STX11: variants seen among roughly 807,000 people sequenced by gnomAD.
STX11 encodes the protein syntaxin-11.
In STX11, 21 loss-of-function variants were observed where a neutral mutation model predicts 19.9. The observed-to-expected ratio is 1.06, with a 90% CI of 0.75 to 1.52. STX11 has a LOEUF of 1.52. Among genes scored for constraint, STX11 ranks in the 40% most tolerant of loss-of-function variants. The pLI, the probability that STX11 is intolerant of heterozygous loss-of-function variation, is 0.00. For synonymous variants in STX11, 193 were observed against 174.4 expected, an observed-to-expected ratio of 1.11 and a Z score of -0.84; for missense variants, 438 against 405.9, an observed-to-expected ratio of 1.08 and a Z score of -0.68.
rs192851073 is a variant in STX11 at position 144,182,957 on chromosome 6, A to T, written c.-5-3666A>T. ...AGATGGGTACAGCTCAACTCTACGC[A>T]AACTAGCTAATGTGCTTTCCCCAGG... On this transcript the variant is annotated intron_variant, in intron 1 of 1. Coordinates refer to ENST00000367568, the MANE Select transcript of STX11 (RefSeq NM_003764.4). The surrounding 1 kb of genome is among the most constrained non-coding windows in gnomAD (Gnocchi z 4.8). Among the ~76,000 whole-genome samples, 354 of 152,358 alleles carry T rather than the reference A, an allele frequency of 2.3e-3. 1 individual carries two copies. Among genetic ancestry groups the T allele is most frequent in the African/African-American group, 8.1e-3 (335 of 41,584 alleles).
chr6:144,142,755 G>A, the STX11 span, among the ~76,000 whole-genome samples: 2 of 152,174 alleles, frequency 1.3e-5, no homozygotes, highest in Non-Finnish European at 2.9e-5. Context: ...AGTGGAAAGG[G>A]GGATGAAGAG....
At position 144,162,498 on chromosome 6, in the gene STX11, T is replaced by C. The variant is rs1801368934; in HGVS notation, c.-6+11795T>C. 6.6e-6 allele frequency among the ~76,000 whole-genome samples: 1 copy of C among 152,230 alleles called. No individual in the cohort carries two copies. Among genetic ancestry groups the C allele is most frequent in the Non-Finnish European group, 1.5e-5 (1 of 68,038 alleles). On this transcript the variant is annotated intron_variant, in intron 1 of 1. Coordinates refer to ENST00000367568, the MANE Select transcript of STX11 (RefSeq NM_003764.4). This position sits in a 1 kb window ranked among gnomAD's most constrained non-coding sequence, Gnocchi z 4.6. ...AAGTAATGTTCAATTTGCTATTTTA[T>C]CCAGAATGTGGAAGGCGTCTTCAAA...
rs1266148750 is a variant in STX11, at chr6:144,160,913, C to T, written c.-6+10210C>T. ...GTATTTTCATATCTTTCCTCACCCC[C>T]TTTGGCATATTCCTTGGTTTATCTC... On this transcript the variant is annotated intron_variant, in intron 1 of 1. Transcript: ENST00000367568. The surrounding 1 kb of genome is among the most constrained non-coding windows in gnomAD (Gnocchi z 4.3). Among the ~76,000 whole-genome samples, 3 of 152,218 alleles carry T rather than the reference C, an allele frequency of 2.0e-5. No homozygotes were observed. Among genetic ancestry groups the T allele is most frequent in the Non-Finnish European group, 4.4e-5 (3 of 68,042 alleles).
rs75873182 is a variant in STX11 at position 144,190,836 on chromosome 6, T to C, written c.*3345T>C. 0.01 allele frequency among the ~76,000 whole-genome samples: 1,558 copies of C among 152,292 alleles called. 44 individuals are homozygous for C. The highest frequency in any genetic ancestry group is 0.1 in the East Asian group (518 of 5,170). On this transcript the variant is annotated 3_prime_UTR_variant, in exon 2 of 2. Coordinates refer to ENST00000367568, the MANE Select transcript of STX11 (RefSeq NM_003764.4). ...TAAGAGAAGGCATCATTTGGCCCAC[T>C]GCACGTCCTGGCCTATTCACCAAAG...
rs1236439063 is a variant in STX11 at position 144,190,325 on chromosome 6, C to T, written c.*2834C>T. On this transcript the variant is annotated 3_prime_UTR_variant, in exon 2 of 2. Transcript: ENST00000367568. The stretch of plus-strand genomic sequence containing the variant: ...TGTAAAACGGAGATAACAGTACTTA[C>T]CTCATAGAGCTGTTGTGAAAAGTGA... 6.6e-6 allele frequency among the ~76,000 whole-genome samples: 1 copy of T among 152,206 alleles called. No homozygotes were observed. The highest frequency in any genetic ancestry group is 2.1e-4 in the South Asian group (1 of 4,834).
chr6:144,140,152 C>T, the STX11 span, among the ~76,000 whole-genome samples: 8 of 141,496 alleles, frequency 5.7e-5, no homozygotes, highest in African/African-American at 1.8e-4. Context: ...TCCTTTGAAT[C>T]GGTGAGTTCA....
At chr6:144,163,413 A>C (rs1469769895) in intron 1 of STX11, among the ~76,000 whole-genome samples, 2 of 152,088 alleles carry the variant, frequency 1.3e-5, no homozygotes, top group Admixed American at 1.3e-4. Context: ...TCTCTACAAA[A>C]ATTTTAAAAC....
At chr6:144,186,190 A>C (rs1802025965) in intron 1 of STX11, among the ~76,000 whole-genome samples, 1 of 114,432 alleles carries the variant, frequency 8.7e-6, no homozygotes, top group South Asian at 3.1e-4. Context: ...GGGGGGAGGG[A>C]TAGCATTAGG....
rs1235872742 is a variant in STX11, at chr6:144,180,062, G to A, written c.-5-6561G>A. 6.6e-6 allele frequency among the ~76,000 whole-genome samples: 1 copy of A among 152,156 alleles called. No homozygotes were observed. Among genetic ancestry groups the A allele is most frequent in the Non-Finnish European group, 1.5e-5 (1 of 68,040 alleles). ...CTGATCTCCATAATAAGCTTCACAA[G>A]GTTTGCTGTGTGCCTTGAGCTGCTC... is the stretch of plus-strand genomic sequence containing the variant. On this transcript the variant is annotated intron_variant, in intron 1 of 1. Transcript: ENST00000367568. The surrounding 1 kb of genome is among the most constrained non-coding windows in gnomAD (Gnocchi z 5.3).
Position 144,174,966 on chromosome 6 carries a change from C to G in STX11, c.-5-11657C>G, listed in dbSNP as rs1267128641. ...CTGGGCAACAGGCAAAACCCCATCT[C>G]TACAAAAGATATAAAAATTAGCCCG... On this transcript the variant is annotated intron_variant, in intron 1 of 1. Coordinates refer to ENST00000367568, the MANE Select transcript of STX11 (RefSeq NM_003764.4). The surrounding 1 kb of genome is among the most constrained non-coding windows in gnomAD (Gnocchi z 5.3). Among the ~76,000 whole-genome samples the G allele has an allele frequency of 1.3e-5, 2 of 151,542 alleles. No individual in the cohort carries two copies. The highest frequency in any genetic ancestry group is 4.8e-5 in the African/African-American group (2 of 41,244).
At position 144,160,483 on chromosome 6, in the gene STX11, G is replaced by A. The variant is rs1488736192; in HGVS notation, c.-6+9780G>A. ...TTAAGTTTAATATATAAGTTAACAG[G>A]CAAATCTTGGGTTGAAAAAGTACCA... On this transcript the variant is annotated intron_variant, in intron 1 of 1. Coordinates refer to ENST00000367568, the MANE Select transcript of STX11 (RefSeq NM_003764.4). The surrounding 1 kb of genome is among the most constrained non-coding windows in gnomAD (Gnocchi z 4.3). Among the ~76,000 whole-genome samples, 1 of 152,018 alleles carries A rather than the reference G, an allele frequency of 6.6e-6. No homozygotes were observed. The highest frequency in any genetic ancestry group is 1.5e-5 in the Non-Finnish European group (1 of 68,014).
Position 144,153,956 on chromosome 6 carries a change from A to G in STX11, c.-6+3253A>G, listed in dbSNP as rs942345236. Among the ~76,000 whole-genome samples, 3 of 152,230 alleles carry G rather than the reference A, an allele frequency of 2.0e-5. No individual in the cohort carries two copies. Among genetic ancestry groups the G allele is most frequent in the Non-Finnish European group, 4.4e-5 (3 of 68,030 alleles). On this transcript the variant is annotated intron_variant, in intron 1 of 1. Transcript: ENST00000367568. This position sits in a 1 kb window ranked among gnomAD's most constrained non-coding sequence, Gnocchi z 5.0. The stretch of plus-strand genomic sequence containing the variant: ...ATCAGTGCTCATTAAGATTTTTCAA[A>G]TGAATGCTAGTAATAGCTAAAATTT...
Position 144,169,075 on chromosome 6 carries a change from T to G in STX11, c.-5-17548T>G, listed in dbSNP as rs1026700877. ...ACCCCTGGTGATCTAAGCCTTTTTATTAGCATAATGGATTGGTAAGAAATT... is the reference window on the plus strand; with the variant it reads ...ACCCCTGGTGATCTAAGCCTTTTTAGTAGCATAATGGATTGGTAAGAAATT... On this transcript the variant is annotated intron_variant, in intron 1 of 1. Coordinates refer to ENST00000367568, the MANE Select transcript of STX11 (RefSeq NM_003764.4). This position sits in a 1 kb window ranked among gnomAD's most constrained non-coding sequence, Gnocchi z 5.2. 2.6e-5 allele frequency among the ~76,000 whole-genome samples: 4 copies of G among 152,312 alleles called. No individual in the cohort carries two copies. The highest frequency in any genetic ancestry group is 9.6e-5 in the African/African-American group (4 of 41,554).
At position 144,157,823 on chromosome 6, in the gene STX11, A is replaced by G. The variant is rs543128933; in HGVS notation, c.-6+7120A>G. On this transcript the variant is annotated intron_variant, in intron 1 of 1. Coordinates refer to ENST00000367568, the MANE Select transcript of STX11 (RefSeq NM_003764.4). ...CCTTGCTGTAATGCTAGGCTTTAACATTGTTAAATGTTGAACAATTTTGTG... is the reference window on the plus strand; with the variant it reads ...CCTTGCTGTAATGCTAGGCTTTAACGTTGTTAAATGTTGAACAATTTTGTG... Among the ~76,000 whole-genome samples, 74 of 152,226 alleles carry G rather than the reference A, an allele frequency of 4.9e-4. No homozygotes were observed. In the South Asian group the frequency reaches 9.1e-3, roughly 19 times the overall value.
rs564479485 is a variant in STX11 at position 144,177,002 on chromosome 6, A to G, written c.-5-9621A>G. 1.3e-5 allele frequency among the ~76,000 whole-genome samples: 2 copies of G among 152,354 alleles called. No individual in the cohort carries two copies. Among genetic ancestry groups the G allele is most frequent in the South Asian group, 2.1e-4 (1 of 4,826 alleles). On this transcript the variant is annotated intron_variant, in intron 1 of 1. Transcript: ENST00000367568. The surrounding 1 kb of genome is among the most constrained non-coding windows in gnomAD (Gnocchi z 4.4). ...AATATTTTTTCTGGGAGAATTTAAC[A>G]GGAGTAACCAGGCAATGAGACTAGA...
intron 1 of STX11, among the ~76,000 whole-genome samples, chr6:144,178,839 C>A (rs1801835303): frequency 6.7e-6 from 1 of 148,224 alleles, no homozygotes; most frequent in African/African-American, 2.5e-5. Flanking sequence ...ACGATACAAG[C>A]TTTTTTTTTT....
At position 144,160,144 on chromosome 6, in the gene STX11, A is replaced by G. The variant is rs1036680289; in HGVS notation, c.-6+9441A>G. On this transcript the variant is annotated intron_variant, in intron 1 of 1. Coordinates refer to ENST00000367568, the MANE Select transcript of STX11 (RefSeq NM_003764.4). This position sits in a 1 kb window ranked among gnomAD's most constrained non-coding sequence, Gnocchi z 4.3. ...CAGCTTCCTAAGTAGCTAGGACTAC[A>G]GGTGTGCACCACCACACCCAGCTAA... is the stretch of plus-strand genomic sequence containing the variant. Among the ~76,000 whole-genome samples, 6 of 152,306 alleles carry G rather than the reference A, an allele frequency of 3.9e-5. No homozygotes were observed. The Middle Eastern group carries it at 0.01, about 259-fold the overall frequency.
chr6:144,151,747 G>C lies in STX11; in HGVS notation c.-6+1044G>C, dbSNP rs996822502. 4.6e-5 allele frequency among the ~76,000 whole-genome samples: 7 copies of C among 152,222 alleles called. No homozygotes were observed. The highest frequency in any genetic ancestry group is 1.5e-5 in the Non-Finnish European group (1 of 68,030). ...GTATCATTTAATGTGGTGATTGTAA[G>C]TAACTCTCTAAAATCAAAATATTTC... On this transcript the variant is annotated intron_variant, in intron 1 of 1. Coordinates refer to ENST00000367568, the MANE Select transcript of STX11 (RefSeq NM_003764.4). The surrounding 1 kb of genome is among the most constrained non-coding windows in gnomAD (Gnocchi z 4.6).
chr6:144,155,387 A>G lies in STX11; in HGVS notation c.-6+4684A>G, dbSNP rs535028041. Among the ~76,000 whole-genome samples, 3 of 152,308 alleles carry G rather than the reference A, an allele frequency of 2.0e-5. No individual in the cohort carries two copies. In the South Asian group the frequency reaches 6.2e-4, roughly 32 times the overall value. ...TCAAATGTCTAAAGCTTGAAGTTTT[A>G]AAATAGTTTCTCCACACATGCATTG... is the stretch of plus-strand genomic sequence containing the variant. On this transcript the variant is annotated intron_variant, in intron 1 of 1. Transcript: ENST00000367568. The surrounding 1 kb of genome is among the most constrained non-coding windows in gnomAD (Gnocchi z 4.5).
Sources: gnomAD v4.1 joint callset for allele counts (sites outside exome capture counted in the v4.1 genomes callset) on GRCh38, gnomAD v4.1.1 for gene constraint, Gnocchi (gnomAD v3.1) non-coding constraint, MANE v1.5 for transcripts, NCBI Gene and HGNC (gene_info 2026-07-23, HGNC 2026-07-21) for gene names.